Variants in NRAP observed in about 807,000 individuals in gnomAD.
The protein encoded by NRAP is nebulin-related-anchoring protein.
A neutral mutation model predicts 225.9 loss-of-function variants in NRAP; 189 were observed. That is an observed-to-expected ratio of 0.84 (90% confidence interval 0.74 to 0.94). The LOEUF (loss-of-function observed/expected upper bound fraction) is 0.94, where lower values mean the gene tolerates loss of function less well. Ranked by LOEUF, NRAP falls within the 40% of genes least tolerant of loss-of-function variation. The pLI, the probability that NRAP is intolerant of heterozygous loss-of-function variation, is 0.00. For missense variants in NRAP, 2,176 were observed against 2,168.7 expected (o/e 1.00, Z -0.07); for synonymous variants, 769 against 790.7 (o/e 0.97, Z 0.46).
intron 3 of NRAP, among the ~76,000 whole-genome samples, chr10:113,660,172 A>G (rs1364238639): frequency 1.3e-5 from 2 of 152,094 alleles, no homozygotes; most frequent in Non-Finnish European, 2.9e-5. Context: ...TACATACCAC[A>G]TATGCATATA....
At chr10:113,635,175 T>A (rs1199941651) in intron 14 of NRAP, among the ~76,000 whole-genome samples, 1 of 152,182 alleles carries the variant, frequency 6.6e-6, no homozygotes, top group Non-Finnish European at 1.5e-5. Flanking sequence ...CACACAAGAA[T>A]ATATGCATCA....
chr10:113,607,070 G>A (rs927421346), intron 32 of NRAP, among the ~76,000 whole-genome samples: 6 of 151,868 alleles, frequency 4.0e-5, no homozygotes, highest in African/African-American at 1.5e-4. Flanking sequence ...ACATGGTGGC[G>A]GGCGTCTGTA....
chr10:113,609,966 GA>G (rs556665671), intron 31 of NRAP, among the ~76,000 whole-genome samples: 10,001 of 116,484 alleles, frequency 0.086, 386 homozygotes, highest in East Asian at 0.13. Context: ...AATCCAGTAA[GA>G]AAAAAAAAAA....
rs1849481443 is a variant in NRAP, at chr10:113,645,954, A to AAAG, written c.994-14_994-13insCTT. On this transcript the variant is annotated splice_polypyrimidine_tract_variant and intron_variant, in intron 10 of 41. Coordinates refer to ENST00000359988, the MANE Select transcript of NRAP (RefSeq NM_198060.4). ...GCCTGTATTTTATCTGAAAAAAAAAACACAAAACGGGGCTGGAGTTGATGT... is the reference window on the plus strand; with the variant it reads ...GCCTGTATTTTATCTGAAAAAAAAAAAAGCACAAAACGGGGCTGGAGTTGATGT... 2.2e-6 allele frequency: 3 copies of AAAG among 1,394,408 alleles called. No homozygotes were observed. Among genetic ancestry groups the AAAG allele is most frequent in the Non-Finnish European group, 3.0e-6 (3 of 1,003,312 alleles). 86.4% of individuals were successfully genotyped at this position (1,394,408 alleles called of 1,614,324 possible).
rs779410459 is a variant in NRAP, at chr10:113,626,043, T to C, written c.2244+4A>G. On this transcript the variant is annotated splice_donor_region_variant and intron_variant, in intron 21 of 41. Coordinates refer to ENST00000359988, the MANE Select transcript of NRAP (RefSeq NM_198060.4). ...TGGTGGAGAAAGGGCAGCCCAGGAC[T>C]CACCCCGCTCTGTAGCTCCTGGCTC... 1 of 1,604,390 alleles carries C rather than the reference T, an allele frequency of 6.2e-7. No homozygotes were observed. Among genetic ancestry groups the C allele is most frequent in the African/African-American group, 1.3e-5 (1 of 74,876 alleles).
chr10:113,613,959 T>A (rs1363749178), intron 29 of NRAP, among the ~76,000 whole-genome samples: 2 of 151,994 alleles, frequency 1.3e-5, no homozygotes, highest in African/African-American at 4.8e-5. Context: ...AATTATAGAA[T>A]GCCCAGCCCA....
At chr10:113,603,687 A>T (rs927061971) in intron 35 of NRAP, among the ~76,000 whole-genome samples, 1 of 152,130 alleles carries the variant, frequency 6.6e-6, no homozygotes, top group Non-Finnish European at 1.5e-5. Context: ...CTCGGCCTCA[A>T]ACAGGCCAAG....
chr10:113,628,289 G>A (rs777651496), intron 20 of NRAP, among the ~76,000 whole-genome samples: 9 of 152,186 alleles, frequency 5.9e-5, no homozygotes, highest in Non-Finnish European at 1.3e-4. Flanking sequence ...CCAGGTTCAA[G>A]CAATTCTCCT....
intron 38 of NRAP, among the ~76,000 whole-genome samples, chr10:113,593,414 A>T (rs1440285526): frequency 6.6e-6 from 1 of 152,178 alleles, no homozygotes; most frequent in East Asian, 1.9e-4. Flanking sequence ...GCTTGGGCCA[A>T]GCATGGCGGA....
At chr10:113,610,598 G>T in intron 30 of NRAP, 35 bp from the exon 31 acceptor site, 4 of 1,355,270 alleles carry the variant, frequency 3.0e-6, no homozygotes, top group Non-Finnish European at 4.2e-6. Context: ...AATCAGAAAA[G>T]CCAAGCTCTC....
chr10:113,663,400 A>T lies in NRAP; in HGVS notation c.119T>A (p.Leu40Gln), dbSNP rs1455405279. 2.5e-6 allele frequency: 4 copies of T among 1,613,614 alleles called. No individual in the cohort carries two copies. The highest frequency in any genetic ancestry group is 3.4e-6 in the Non-Finnish European group (4 of 1,179,484). Reference protein sequence around the residue: ...CFHCEVCKMMLSVNNFVSHQK... With the variant: ...CFHCEVCKMMQSVNNFVSHQK... Reference sequence around the variant, plus strand: ...GTGACTCACAAAGTTATTAACAGACAGCATCATCTTGCAAACTTCACAGTG... The same window carrying T: ...GTGACTCACAAAGTTATTAACAGACTGCATCATCTTGCAAACTTCACAGTG... Residue 40 changes from leucine (L) to glutamine (Q), a missense_variant, in exon 2 of 42, where the codon CTG becomes CAG. Around this residue, in one of 3 missense-constraint regions of NRAP, gnomAD observed 1,708 missense variants for 1,695.5 expected, o/e 1.01. Coordinates refer to ENST00000359988, the MANE Select transcript of NRAP (RefSeq NM_198060.4).
At chr10:113,648,884 A>G (rs979130259) in intron 9 of NRAP, among the ~76,000 whole-genome samples, 4 of 152,238 alleles carry the variant, frequency 2.6e-5, no homozygotes, top group Non-Finnish European at 4.4e-5. Context: ...CTAGGTACAC[A>G]TATGAAATGA....
chr10:113,657,254 G>T (rs1012782518), intron 4 of NRAP, among the ~76,000 whole-genome samples: 1 of 152,176 alleles, frequency 6.6e-6, no homozygotes. Flanking sequence ...GAAATACAGT[G>T]GTTGGAAGGG....
chr10:113,628,379 G>T (rs7475959), intron 20 of NRAP, among the ~76,000 whole-genome samples: 7 of 151,862 alleles, frequency 4.6e-5, no homozygotes, highest in African/African-American at 1.7e-4. Context: ...TAGTAGAGAC[G>T]GGGTTTCACC....
rs769642130 is a variant in NRAP, at chr10:113,589,098, C to T, written c.5089-19G>A. On this transcript the variant is annotated intron_variant, in intron 41 of 41. Transcript: ENST00000359988. ...CCCCCCGCTGCTGAAATCAAACATACCCCAAGTTAAAATGAAGCTCCCCCA... is the reference window on the plus strand; with the variant it reads ...CCCCCCGCTGCTGAAATCAAACATATCCCAAGTTAAAATGAAGCTCCCCCA... The T allele has an allele frequency of 4.4e-6, 7 of 1,607,042 alleles. No individual in the cohort carries two copies. Among genetic ancestry groups the T allele is most frequent in the East Asian group, 2.2e-5 (1 of 44,834 alleles).
intron 38 of NRAP, among the ~76,000 whole-genome samples, chr10:113,592,745 A>G (rs1323330675): frequency 6.6e-6 from 1 of 152,172 alleles, no homozygotes; most frequent in Non-Finnish European, 1.5e-5. Context: ...AGCTCCACTG[A>G]CATCCGGAGG....
chr10:113,637,126 C>A (rs1288750920), intron 14 of NRAP, among the ~76,000 whole-genome samples: 1 of 152,006 alleles, frequency 6.6e-6, no homozygotes, highest in Non-Finnish European at 1.5e-5. Context: ...GTCTTGTATT[C>A]ATTTCATTTT....
rs539398084 is a variant in NRAP, at chr10:113,588,822, T to C, written c.*153A>G. 112 of 657,480 alleles carry C rather than the reference T, an allele frequency of 1.7e-4. No individual in the cohort carries two copies. Among genetic ancestry groups the C allele is most frequent in the African/African-American group, 1.6e-3 (90 of 55,250 alleles). The allele number at this position is 657,480 out of a possible 1,614,324, so 40.7% of individuals were successfully genotyped here. A position where few individuals can be genotyped will look rare whatever the true frequency, so the allele number is the denominator to read the frequency against. The stretch of plus-strand genomic sequence containing the variant: ...TCAGAGAGGACCACAAATACAACAT[T>C]CTCCATCTGCTTTCAGAGTTATTAT... On this transcript the variant is annotated 3_prime_UTR_variant, in exon 42 of 42. Coordinates refer to ENST00000359988, the MANE Select transcript of NRAP (RefSeq NM_198060.4).
intron 20 of NRAP, among the ~76,000 whole-genome samples, chr10:113,627,398 G>C (rs1223346365): frequency 6.6e-6 from 1 of 152,186 alleles, no homozygotes; most frequent in Non-Finnish European, 1.5e-5. Flanking sequence ...GGCCTTGGAG[G>C]AGCTTAAAAA....
Sources: gnomAD v4.1 joint callset for allele counts (sites outside exome capture counted in the v4.1 genomes callset) on GRCh38, gnomAD v4.1.1 for gene constraint, gnomAD v4.1.1 regional missense constraint, MANE v1.5 for transcripts, NCBI Gene and HGNC (gene_info 2026-07-23, HGNC 2026-07-21) for gene names.